Variants in VSNL1 observed in about 807,000 individuals in gnomAD.
The protein encoded by VSNL1 is visinin-like protein 1.
VSNL1 carries 6 observed loss-of-function variants against 20.4 expected under a neutral mutation model. That is an observed-to-expected ratio of 0.29 (90% CI 0.16 to 0.58). The LOEUF (loss-of-function observed/expected upper bound fraction) is 0.58, where lower values mean the gene tolerates loss of function less well. Among genes scored for constraint, VSNL1 ranks in the 20% least tolerant of loss-of-function variants. The pLI is 0.90. For synonymous variants in VSNL1, 93 were observed against 86.4 expected (o/e 1.08, Z -0.42); for missense variants, 100 against 234.5 (o/e 0.43, Z 3.75).
chr2:17,585,161 C>A (rs972763748), intron 1 of VSNL1, among the ~76,000 whole-genome samples: 1 of 152,028 alleles, frequency 6.6e-6, no homozygotes, highest in Non-Finnish European at 1.5e-5. Context: ...CCAGGAGATT[C>A]AGGTTTTGAG....
intron 2 of VSNL1, among the ~76,000 whole-genome samples, chr2:17,642,725 C>T (rs1665908351): frequency 6.6e-6 from 1 of 152,158 alleles, no homozygotes; most frequent in African/African-American, 2.4e-5. Flanking sequence ...CTTTCTGGGG[C>T]AGTCTGTGTA....
At chr2:17,557,241 T>C (rs1467022001) in intron 1 of VSNL1, among the ~76,000 whole-genome samples, 1 of 152,208 alleles carries the variant, frequency 6.6e-6, no homozygotes, top group Non-Finnish European at 1.5e-5. Flanking sequence ...CCAAATTGGA[T>C]CGATGCTCTT....
intron 1 of VSNL1, among the ~76,000 whole-genome samples, chr2:17,557,756 A>G (rs1346445257): frequency 6.6e-6 from 1 of 152,190 alleles, no homozygotes; most frequent in African/African-American, 2.4e-5. Context: ...GTAACAGAGG[A>G]CAATAGAGCT....
intron 1 of VSNL1, among the ~76,000 whole-genome samples, chr2:17,584,904 C>A (rs1188260159): frequency 2.0e-5 from 3 of 152,146 alleles, no homozygotes; most frequent in Non-Finnish European, 4.4e-5. Flanking sequence ...CTCTAGAAAA[C>A]AAAGGGGTTG....
chr2:17,574,634 G>A (rs1267679298), intron 1 of VSNL1, among the ~76,000 whole-genome samples: 1 of 152,204 alleles, frequency 6.6e-6, no homozygotes, highest in Non-Finnish European at 1.5e-5. Flanking sequence ...ACTGGCTCCA[G>A]CTGAATACTC....
chr2:17,647,896 C>T (rs1429647040), intron 2 of VSNL1, among the ~76,000 whole-genome samples: 1 of 151,262 alleles, frequency 6.6e-6, no homozygotes, highest in Non-Finnish European at 1.5e-5. Context: ...TGAATTCTGA[C>T]GAATAATGAA....
At chr2:17,654,527 A>G (rs1441390125) in intron 3 of VSNL1, among the ~76,000 whole-genome samples, 4 of 152,140 alleles carry the variant, frequency 2.6e-5, no homozygotes, top group Non-Finnish European at 5.9e-5. Flanking sequence ...TGAGCCCATC[A>G]TGTTCCTCCC....
At chr2:17,609,110 T>C (rs768046855) in intron 2 of VSNL1, among the ~76,000 whole-genome samples, 10 of 152,188 alleles carry the variant, frequency 6.6e-5, no homozygotes, top group Middle Eastern at 3.2e-3. Context: ...AATTTTCTCA[T>C]GGGGAAAGTC....
intron 3 of VSNL1, among the ~76,000 whole-genome samples, chr2:17,653,435 G>A (rs971456737): frequency 3.3e-5 from 5 of 152,110 alleles, no homozygotes; most frequent in East Asian, 3.8e-4. Context: ...ACATGTGTAC[G>A]GGCCATTTGT....
intron 1 of VSNL1, among the ~76,000 whole-genome samples, chr2:17,555,224 T>A (rs1332277082): frequency 6.6e-6 from 1 of 152,172 alleles, no homozygotes; most frequent in Non-Finnish European, 1.5e-5. Flanking sequence ...AAAATTCACC[T>A]AAACTAGTTA....
intron 2 of VSNL1, among the ~76,000 whole-genome samples, chr2:17,606,444 C>A (rs1664945930): frequency 6.6e-6 from 1 of 152,306 alleles, no homozygotes; most frequent in South Asian, 2.1e-4. Flanking sequence ...GCTTCACCTG[C>A]TTCCCAGAGC....
intron 1 of VSNL1, among the ~76,000 whole-genome samples, chr2:17,559,152 G>C (rs1663754450): frequency 6.6e-6 from 1 of 152,086 alleles, no homozygotes; most frequent in Non-Finnish European, 1.5e-5. Flanking sequence ...ATGAAGGTCA[G>C]GTCATACCCT....
At chr2:17,551,334 T>G (rs570145248) in intron 1 of VSNL1, among the ~76,000 whole-genome samples, 42 of 152,182 alleles carry the variant, frequency 2.8e-4, no homozygotes, top group Non-Finnish European at 5.1e-4. Flanking sequence ...AAGGAAAGAC[T>G]GAATTGGTAT....
At chr2:17,578,421 A>T (rs1231178005) in intron 1 of VSNL1, among the ~76,000 whole-genome samples, 1 of 152,216 alleles carries the variant, frequency 6.6e-6, no homozygotes, top group East Asian at 1.9e-4. Context: ...ATGGAGGGAC[A>T]TTAGGTTAAT....
intron 2 of VSNL1, among the ~76,000 whole-genome samples, chr2:17,599,729 A>G (rs1470144984): frequency 6.6e-6 from 1 of 152,170 alleles, no homozygotes; most frequent in Non-Finnish European, 1.5e-5. Flanking sequence ...TAGAGATAGC[A>G]TTTCCTTCAC....
At chr2:17,641,638 T>C (rs1310175601) in intron 2 of VSNL1, among the ~76,000 whole-genome samples, 1 of 152,208 alleles carries the variant, frequency 6.6e-6, no homozygotes, top group East Asian at 1.9e-4. Context: ...TTTTAAAGTC[T>C]GAGTAATCAG....
intron 1 of VSNL1, among the ~76,000 whole-genome samples, chr2:17,552,445 G>A (rs1278657693): frequency 6.6e-6 from 1 of 152,016 alleles, no homozygotes; most frequent in African/African-American, 2.4e-5. Context: ...ATCTACACAC[G>A]TCTTTTTATT....
At chr2:17,603,304 C>T (rs1369395330) in intron 2 of VSNL1, among the ~76,000 whole-genome samples, 1 of 152,176 alleles carries the variant, frequency 6.6e-6, no homozygotes, top group African/African-American at 2.4e-5. Context: ...CTGAGGGCCC[C>T]CTCTCTGGTT....
intron 2 of VSNL1, among the ~76,000 whole-genome samples, chr2:17,612,632 T>C (rs1665117038): frequency 6.6e-6 from 1 of 152,164 alleles, no homozygotes; most frequent in Non-Finnish European, 1.5e-5. Context: ...ATTCACCTGA[T>C]GGGGCCCATC....
Sources: gnomAD v4.1 joint callset for allele counts (sites outside exome capture counted in the v4.1 genomes callset) on GRCh38, gnomAD v4.1.1 for gene constraint, MANE v1.5 for transcripts, NCBI Gene and HGNC (gene_info 2026-07-23, HGNC 2026-07-21) for gene names.